DOCK4: variants seen among roughly 807,000 people sequenced by gnomAD.
The protein encoded by DOCK4 is dedicator of cytokinesis protein 4.
DOCK4 carries 97 observed loss-of-function variants against 268.1 expected under a neutral mutation model. That is an observed-to-expected ratio of 0.36 (90% CI 0.31 to 0.43). The LOEUF is 0.43. DOCK4 is among the 20% of genes least tolerant of loss of function. The probability of loss-of-function intolerance (pLI) is 1.00; values close to 1 mark genes in which losing one functional copy is unlikely to be tolerated. For synonymous variants in DOCK4, 954 were observed against 887.2 expected (o/e 1.08, Z -1.34); for missense variants, 2,145 against 2,455.7 (o/e 0.87, Z 2.67).
At chr7:111,900,251 A>G (rs1262310944) in intron 15 of DOCK4, 123 bp downstream of exon 15, 31 of 1,232,290 alleles carry the variant, frequency 2.5e-5, no homozygotes, top group Non-Finnish European at 3.1e-5. Flanking sequence ...TCTTTCTAGA[A>G]TGGAACAAAC....
chr7:111,963,355 G>T (rs1378539923), intron 8 of DOCK4, among the ~76,000 whole-genome samples: 1 of 134,862 alleles, frequency 7.4e-6, no homozygotes, highest in South Asian at 2.5e-4. Flanking sequence ...TGTGCGCACC[G>T]TGCGCGAGCC....
At chr7:112,013,886 G>T (rs1028259430) in intron 1 of DOCK4, among the ~76,000 whole-genome samples, 1 of 151,938 alleles carries the variant, frequency 6.6e-6, no homozygotes. Context: ...TCCCATTTAC[G>T]TCCCTCCAAC....
intron 32 of DOCK4, among the ~76,000 whole-genome samples, chr7:111,785,150 A>G (rs1009803063): frequency 6.6e-6 from 1 of 151,932 alleles, no homozygotes; most frequent in Non-Finnish European, 1.5e-5. Context: ...TTTCTGGTTT[A>G]TTCTAAACTG....
chr7:111,874,737 AC>A (rs1372264029), intron 17 of DOCK4, among the ~76,000 whole-genome samples: 1 of 152,146 alleles, frequency 6.6e-6, no homozygotes, highest in Non-Finnish European at 1.5e-5. Context: ...GGATGCCATG[AC>A]CCCTAATCCT....
At chr7:111,801,571 A>C (rs1800284692) in intron 30 of DOCK4, 1 of 151,954 alleles carries the variant, frequency 6.6e-6, no homozygotes, top group Non-Finnish European at 1.5e-5. Flanking sequence ...ATCCTTTTGC[A>C]TTCCTACCTT....
At chr7:111,768,641 G>A (rs2133664670) in intron 37 of DOCK4, among the ~76,000 whole-genome samples, 1 of 152,232 alleles carries the variant, frequency 6.6e-6, no homozygotes, top group East Asian at 1.9e-4. Flanking sequence ...AGTGGAGGGA[G>A]GTGATGTACT....
chr7:111,783,788 A>G, intron 34 of DOCK4, 69 bp downstream of exon 34: 3 of 1,324,298 alleles, frequency 2.3e-6, no homozygotes, highest in Non-Finnish European at 3.2e-6. Flanking sequence ...CGTTGATTGT[A>G]TTCTATTTGA....
chr7:111,846,969 AGC>A (rs1804156466), intron 24 of DOCK4, 28 bp downstream of exon 24: 1 of 1,609,094 alleles, frequency 6.2e-7, no homozygotes, highest in Non-Finnish European at 8.5e-7. Context: ...ATTTGAAGGG[AGC>A]TATATACTAT....
chr7:111,916,776 T>C (rs1156681429), intron 12 of DOCK4, among the ~76,000 whole-genome samples: 1 of 152,112 alleles, frequency 6.6e-6, no homozygotes, highest in African/African-American at 2.4e-5. Flanking sequence ...TCTTCTTATG[T>C]TTTAATTTTT....
intron 52 of DOCK4, among the ~76,000 whole-genome samples, chr7:111,731,506 G>GT (rs2133366560): frequency 6.6e-6 from 1 of 151,268 alleles, no homozygotes; most frequent in South Asian, 2.1e-4. Flanking sequence ...AATCTCTCAC[G>GT]TACTGACAAT....
chr7:112,132,996 TAA>T (rs755122103), intron 1 of DOCK4, among the ~76,000 whole-genome samples: 4 of 152,190 alleles, frequency 2.6e-5, no homozygotes, highest in Non-Finnish European at 5.9e-5. Context: ...TCAGGGCTCT[TAA>T]AATTTAGAAT....
At chr7:111,851,139 C>T (rs1222002440) in intron 23 of DOCK4, among the ~76,000 whole-genome samples, 1 of 151,984 alleles carries the variant, frequency 6.6e-6, no homozygotes, top group Non-Finnish European at 1.5e-5. Context: ...AATGCAAAGG[C>T]TAAAGGTATA....
chr7:111,766,361 A>G (rs1014688391), intron 38 of DOCK4, among the ~76,000 whole-genome samples: 4 of 152,132 alleles, frequency 2.6e-5, no homozygotes, highest in Non-Finnish European at 5.9e-5. Flanking sequence ...ATGTATAAAA[A>G]CTGATGATCC....
At chr7:111,824,036 G>C (rs779924725) in intron 26 of DOCK4, among the ~76,000 whole-genome samples, 5 of 152,098 alleles carry the variant, frequency 3.3e-5, no homozygotes, top group Non-Finnish European at 7.4e-5. Flanking sequence ...TGTAGTATGC[G>C]CCATGTGGAA....
rs937590951 is a variant in DOCK4, at chr7:112,124,109, T to C, written c.37+81993A>G. Among the ~76,000 whole-genome samples, 4 of 152,118 alleles carry C rather than the reference T, an allele frequency of 2.6e-5. No individual in the cohort carries two copies. In the East Asian group the frequency reaches 7.7e-4, roughly 29 times the overall value. ...GAGCGATCATCATTCACTATATCCT[T>C]GAACTCCTGGTCTCAAGCGATACTC... On this transcript the variant is annotated intron_variant, in intron 1 of 52. Transcript: ENST00000428084.
intron 50 of DOCK4, among the ~76,000 whole-genome samples, chr7:111,735,463 A>G (rs999620422): frequency 2.6e-5 from 4 of 152,220 alleles, no homozygotes; most frequent in African/African-American, 7.2e-5. Context: ...TAGATGCTGG[A>G]TAACAGATGG....
In DOCK4 at chr7:112,014,361, A is replaced by G. The variant is rs546248119; in HGVS notation, c.38-10230T>C. ...TTGTTACCTCAATAAGACTAAACAC[A>G]TCTTTAAGGAAGGGACTAGTATTCC... is the stretch of plus-strand genomic sequence containing the variant. On this transcript the variant is annotated intron_variant, in intron 1 of 52. Transcript: ENST00000428084. Among the ~76,000 whole-genome samples the G allele has an allele frequency of 2.7e-3, 413 of 152,302 alleles. 2 individuals are homozygous for G. The highest frequency in any genetic ancestry group is 9.6e-3 in the African/African-American group (398 of 41,562).
chr7:112,117,676 T>G (rs549717648), intron 1 of DOCK4, among the ~76,000 whole-genome samples: 120 of 152,374 alleles, frequency 7.9e-4, no homozygotes, highest in African/African-American at 2.7e-3. Flanking sequence ...CAGCCACCTT[T>G]TCTTTTTGTA....
At chr7:112,162,090 A>G (rs911256034) in intron 1 of DOCK4, among the ~76,000 whole-genome samples, 2 of 152,242 alleles carry the variant, frequency 1.3e-5, no homozygotes, top group African/African-American at 2.4e-5. Context: ...TAAATTTTTT[A>G]TATGTGTCAC....
Sources: gnomAD v4.1 joint callset for allele counts (sites outside exome capture counted in the v4.1 genomes callset) on GRCh38, gnomAD v4.1.1 for gene constraint, MANE v1.5 for transcripts, NCBI Gene and HGNC (gene_info 2026-07-23, HGNC 2026-07-21) for gene names.